ALG8: variants seen among roughly 807,000 people sequenced by gnomAD.
The protein encoded by ALG8 is dolichyl pyrophosphate Glc1Man9GlcNAc2 alpha-1,3-glucosyltransferase.
Under a neutral mutation model 70.2 loss-of-function variants are expected in ALG8, and 48 were observed. The observed-to-expected ratio is 0.68, with a 90% CI of 0.54 to 0.87. The LOEUF is 0.87. Among genes scored for constraint, ALG8 ranks in the 40% least tolerant of loss-of-function variants. The pLI, the probability that ALG8 is intolerant of heterozygous loss-of-function variation, is 0.00. For synonymous variants in ALG8, 234 were observed against 229.0 expected, an observed-to-expected ratio of 1.02 and a Z score of -0.20; for missense variants, 572 against 608.7, an observed-to-expected ratio of 0.94 and a Z score of 0.64.
At chr11:78,121,337 G>T (rs1860815605) in intron 3 of ALG8, 163 bp from the exon 4 acceptor site, 2 of 637,602 alleles carry the variant, frequency 3.1e-6, no homozygotes, top group South Asian at 1.8e-5. Flanking sequence ...AGAAGGGATG[G>T]GGTATCACTG....
At chr11:78,127,873 C>T (rs188211949) in intron 1 of ALG8, among the ~76,000 whole-genome samples, 45 of 152,078 alleles carry the variant, frequency 3.0e-4, no homozygotes, top group African/African-American at 1.1e-3. Context: ...CCAATCCTGG[C>T]TAATTTTTAG....
At chr11:78,102,525 T>C (rs539017765) in intron 12 of ALG8, among the ~76,000 whole-genome samples, 2 of 152,348 alleles carry the variant, frequency 1.3e-5, no homozygotes, top group South Asian at 4.1e-4. Flanking sequence ...TGTACAAGTA[T>C]CTGTTGAGTC....
intron 1 of ALG8, among the ~76,000 whole-genome samples, chr11:78,134,284 CCCA>C (rs1198632275): frequency 6.6e-6 from 1 of 152,054 alleles, no homozygotes; most frequent in Non-Finnish European, 1.5e-5. Context: ...ATCACAGGTG[CCCA>C]CCACCACACT....
intron 1 of ALG8, among the ~76,000 whole-genome samples, chr11:78,129,447 A>T (rs1009188136): frequency 6.6e-6 from 1 of 152,128 alleles, no homozygotes; most frequent in East Asian, 1.9e-4. Context: ...GTGCAAAGTA[A>T]AACTATTTGC....
intron 11 of ALG8, 142 bp from the exon 12 acceptor site, chr11:78,104,194 A>G: frequency 3.3e-6 from 3 of 907,958 alleles, no homozygotes; most frequent in Non-Finnish European, 4.9e-6. Context: ...TGTGACATCT[A>G]GAGATGCTGA....
chr11:78,101,598 GAC>G (rs1859801173), intron 12 of ALG8, among the ~76,000 whole-genome samples: 1 of 151,984 alleles, frequency 6.6e-6, no homozygotes, highest in African/African-American at 2.4e-5. Context: ...TAGCCTGGGC[GAC>G]AGAGTGAGAC....
chr11:78,118,442 C>T (rs1219206693), intron 5 of ALG8, among the ~76,000 whole-genome samples: 4 of 150,826 alleles, frequency 2.7e-5, no homozygotes, highest in African/African-American at 9.8e-5. Flanking sequence ...ATGTTGAAAC[C>T]CCATCTCTAA....
chr11:78,120,417 T>C (rs1419208181), intron 4 of ALG8, among the ~76,000 whole-genome samples: 1 of 152,156 alleles, frequency 6.6e-6, no homozygotes, highest in East Asian at 1.9e-4. Context: ...TGTGAGGTAT[T>C]TAGAATTTTC....
Position 78,112,711 on chromosome 11 carries a change from T to C in ALG8, c.837A>G (p.Ala279=). 1 of 1,614,096 alleles carries C rather than the reference T, an allele frequency of 6.2e-7. No homozygotes were observed. Among genetic ancestry groups the C allele is most frequent in the Non-Finnish European group, 8.5e-7 (1 of 1,179,972 alleles). The change falls in exon 8 of 13, where the codon GCA becomes GCG. Residue 279 remains alanine (A), a synonymous_variant. Transcript: ENST00000299626. ...AAGCCCAGAAGTTTGGAGCCCAATA[T>C]GCATGACAGAGGCCCCTCTTGAAAG... ...LFPFKRGLCH[A]YWAPNFWALY... is the part of the protein sequence containing the mutation.
At chr11:78,102,202 G>A (rs1160539451) in intron 12 of ALG8, among the ~76,000 whole-genome samples, 1 of 152,134 alleles carries the variant, frequency 6.6e-6, no homozygotes, top group African/African-American at 2.4e-5. Flanking sequence ...ACCCCAAACA[G>A]AAACTCTGGA....
At chr11:78,132,363 C>T (rs944039004) in intron 1 of ALG8, among the ~76,000 whole-genome samples, 1 of 152,188 alleles carries the variant, frequency 6.6e-6, no homozygotes, top group African/African-American at 2.4e-5. Flanking sequence ...CTCATGTAGA[C>T]TTTCTCAAAG....
intron 1 of ALG8, among the ~76,000 whole-genome samples, chr11:78,128,586 A>G (rs1378241907): frequency 2.0e-5 from 3 of 150,720 alleles, no homozygotes; most frequent in East Asian, 1.9e-4. Flanking sequence ...TCCACTGTCA[A>G]TTGTATAATG....
intron 1 of ALG8, chr11:78,137,422 A>G (rs577280040): frequency 6.6e-6 from 1 of 152,236 alleles, no homozygotes; most frequent in South Asian, 2.1e-4. Context: ...AGTTTCCTTC[A>G]AGAACTTTTC....
In ALG8 at chr11:78,124,141, T is replaced by C; in HGVS notation, c.248A>G (p.Lys83Arg). ...ATTCAGCATTTCTTGATCAAAATAT[T>C]TGGCAACATGTGACAGGATATACTC... is the stretch of plus-strand genomic sequence containing the variant. ...WFEYILSHVA[K>R]YFDQEMLNVH... The change falls in exon 3 of 13, where the codon AAA becomes AGA. Residue 83 changes from lysine to arginine, a missense_variant. Physicochemically the swap from Lys to Arg is conservative, Grantham distance 26. Transcript: ENST00000299626. 6.2e-7 allele frequency: 1 copy of C among 1,614,182 alleles called. No homozygotes were observed. Among genetic ancestry groups the C allele is most frequent in the African/African-American group, 1.3e-5 (1 of 75,064 alleles).
rs777335080 is a variant in ALG8, at chr11:78,106,823, C to G, written c.1162G>C (p.Ala388Pro). ...TCTGCTTACCTCATTGGGAGAATTG[C>G]TAGAAGTATGGCTTTTTCATGAACA... ...WHVHEKAILL[A>P]ILPMSLLSVG... Residue 388 changes from alanine (A) to proline (P), a missense_variant, in exon 10 of 13, where the codon GCA (alanine) becomes CCA (proline). Coordinates refer to ENST00000299626, the MANE Select transcript of ALG8 (RefSeq NM_024079.5). 53 of 1,613,916 alleles carry G rather than the reference C, an allele frequency of 3.3e-5. No individual in the cohort carries two copies. In the African/African-American group the frequency reaches 6.4e-4, roughly 20 times the overall value.
At chr11:78,119,612 G>A (rs1860732257) in intron 4 of ALG8, among the ~76,000 whole-genome samples, 1 of 151,894 alleles carries the variant, frequency 6.6e-6, no homozygotes, top group African/African-American at 2.4e-5. Context: ...TGTACTTTTA[G>A]TAGAGACGGG....
Position 78,104,024 on chromosome 11 carries a change from T to C in ALG8, c.1305A>G (p.Leu435=). The change falls in exon 12 of 13, where the codon TTA becomes TTG. Residue 435 remains leucine, a synonymous_variant. Coordinates refer to ENST00000299626, the MANE Select transcript of ALG8 (RefSeq NM_024079.5). ...ACGAAATACTATATATGGTGAATAG[T>C]AACATGAGTAAGATTTTAATGGGAA... ...PELPIKILLM[L]LFTIYSISSL... is the part of the protein sequence containing the mutation. The C allele has an allele frequency of 1.3e-6, 2 of 1,509,856 alleles. No individual in the cohort carries two copies. The highest frequency in any genetic ancestry group is 2.3e-5 in the East Asian group (1 of 44,188). 93.5% of individuals were successfully genotyped at this position (1,509,856 alleles called of 1,614,324 possible).
At chr11:78,136,328 A>C (rs907909787) in intron 1 of ALG8, among the ~76,000 whole-genome samples, 10 of 151,866 alleles carry the variant, frequency 6.6e-5, no homozygotes, top group African/African-American at 1.7e-4. Context: ...ACAAACCAAA[A>C]CAAAACACAC....
At chr11:78,119,387 A>T (rs1860718466) in intron 4 of ALG8, 138 bp from the exon 5 acceptor site, 1 of 660,188 alleles carries the variant, frequency 1.5e-6, no homozygotes, top group Non-Finnish European at 2.7e-6. Context: ...TGGACTGCTC[A>T]TAAATATGTT....
Sources: allele counts gnomAD v4.1 joint callset (sites outside exome capture counted in the v4.1 genomes callset), GRCh38; gene constraint gnomAD v4.1.1; transcripts MANE v1.5; gene names NCBI Gene and HGNC (gene_info 2026-07-23, HGNC 2026-07-21).